Variants in EPS15L1 observed in about 807,000 individuals in gnomAD.
EPS15L1 encodes the protein epidermal growth factor receptor substrate 15-like 1.
EPS15L1 carries 43 observed loss-of-function variants against 117.1 expected under a neutral mutation model. That is an observed-to-expected ratio of 0.37 (90% confidence interval 0.29 to 0.47). EPS15L1 has a LOEUF of 0.47. EPS15L1 is among the 20% of genes least tolerant of loss of function. EPS15L1 has a pLI of 0.99. For missense variants in EPS15L1, 981 were observed against 1,164.0 expected (o/e 0.84, Z 2.29); for synonymous variants, 459 against 470.5 (o/e 0.98, Z 0.32).
At chr19:16,402,190 A>G in intron 16 of EPS15L1, 131 bp downstream of exon 16, 1 of 1,464,028 alleles carries the variant, frequency 6.8e-7, no homozygotes, top group South Asian at 1.5e-5. Flanking sequence ...AGTGGCAGCA[A>G]AAACAACAGA....
At chr19:16,403,086 G>A (rs1312845545) in intron 15 of EPS15L1, among the ~76,000 whole-genome samples, 2 of 152,232 alleles carry the variant, frequency 1.3e-5, no homozygotes, top group African/African-American at 4.8e-5. Context: ...GGTAAAAGAA[G>A]TGTGCCTGGC....
At chr19:16,416,983 C>T (rs1230129233) in intron 12 of EPS15L1, among the ~76,000 whole-genome samples, 1 of 152,224 alleles carries the variant, frequency 6.6e-6, no homozygotes. Context: ...GGCCCCTTCA[C>T]ACCTTCAGCT....
intron 1 of EPS15L1, among the ~76,000 whole-genome samples, chr19:16,451,456 G>A (rs2093141499): frequency 6.6e-6 from 1 of 152,062 alleles, no homozygotes; most frequent in Admixed American, 6.5e-5. Flanking sequence ...AGGCATTGTG[G>A]TTATGTAAAG....
intron 19 of EPS15L1, among the ~76,000 whole-genome samples, chr19:16,390,115 C>T (rs573503453): frequency 1.3e-5 from 2 of 151,948 alleles, no homozygotes; most frequent in East Asian, 3.9e-4. Flanking sequence ...AGCCCCAACA[C>T]TATGCTACTT....
At chr19:16,430,570 G>A (rs978210928) in intron 7 of EPS15L1, among the ~76,000 whole-genome samples, 1 of 152,202 alleles carries the variant, frequency 6.6e-6, no homozygotes, top group Admixed American at 6.5e-5. Context: ...CCCATACTAA[G>A]CCCTCAGTAA....
At chr19:16,411,276 G>A (rs925325402) in intron 13 of EPS15L1, among the ~76,000 whole-genome samples, 1 of 152,230 alleles carries the variant, frequency 6.6e-6, no homozygotes, top group African/African-American at 2.4e-5. Context: ...AAAAAGATGA[G>A]TAGTTGCCAG....
intron 23 of EPS15L1, among the ~76,000 whole-genome samples, chr19:16,359,668 C>G (rs2092025701): frequency 6.6e-6 from 1 of 152,134 alleles, no homozygotes; most frequent in African/African-American, 2.4e-5. Context: ...AAAGACCAGA[C>G]TGGGTAGTAA....
chr19:16,393,891 G>T, intron 18 of EPS15L1, 60 bp downstream of exon 18: 2 of 1,551,952 alleles, frequency 1.3e-6, no homozygotes, highest in Non-Finnish European at 8.9e-7. Flanking sequence ...CACCACATGC[G>T]ACTTCTGAGC....
At chr19:16,457,805 CT>C (rs2093211422) in intron 1 of EPS15L1, among the ~76,000 whole-genome samples, 1 of 152,088 alleles carries the variant, frequency 6.6e-6, no homozygotes, top group South Asian at 2.1e-4. Flanking sequence ...CATCTGTTTC[CT>C]TCCTCTGACC....
chr19:16,396,759 A>G (rs2092544675), intron 16 of EPS15L1, among the ~76,000 whole-genome samples: 1 of 152,240 alleles, frequency 6.6e-6, no homozygotes, highest in Non-Finnish European at 1.5e-5. Context: ...ACACAACAGA[A>G]TCTGATTCAG....
At chr19:16,399,681 GTTTT>G (rs5827337) in intron 16 of EPS15L1, among the ~76,000 whole-genome samples, 1 of 139,504 alleles carries the variant, frequency 7.2e-6, no homozygotes, top group African/African-American at 2.6e-5. Context: ...GCTTTTTGGG[GTTTT>G]TTTTTTTTTT....
chr19:16,458,631 T>C (rs1208282589), intron 1 of EPS15L1, among the ~76,000 whole-genome samples: 1 of 152,004 alleles, frequency 6.6e-6, no homozygotes, highest in Non-Finnish European at 1.5e-5. Context: ...GTCCTGAAAG[T>C]GCTCCCTGGC....
chr19:16,355,816 C>T lies in EPS15L1; in HGVS notation c.2622G>A (p.Lys874=). The T allele has an allele frequency of 6.5e-7, 1 of 1,536,150 alleles. No individual in the cohort carries two copies. The highest frequency in any genetic ancestry group is 8.7e-7 in the Non-Finnish European group (1 of 1,146,856). The change falls in exon 24 of 24, where the codon AAG becomes AAA. Residue 874 remains lysine, a synonymous_variant. Transcript: ENST00000455140. The stretch of plus-strand genomic sequence containing the variant: ...CCTGTTCCGCCTTCTCGCTCTCCCG[C>T]TTGGCCCACGCCAGCTGCTGCTCCT... The part of the protein sequence containing the change: ...GNEEQQLAWA[K]RESEKAEQER...
At chr19:16,355,937 G>C in intron 23 of EPS15L1, 86 bp from the exon 24 acceptor site, 1 of 1,461,800 alleles carries the variant, frequency 6.8e-7, no homozygotes, top group Non-Finnish European at 9.2e-7. Flanking sequence ...CGTGGGAGGG[G>C]TCAGGGTCCT....
intron 21 of EPS15L1, among the ~76,000 whole-genome samples, chr19:16,379,795 C>T (rs574385713): frequency 6.6e-6 from 1 of 152,074 alleles, no homozygotes; most frequent in African/African-American, 2.4e-5. Flanking sequence ...GTCTAAGGCT[C>T]CAGTATCTAG....
At chr19:16,377,329 C>T (rs2092309325) in intron 21 of EPS15L1, 75 bp from the exon 22 acceptor site, 13 of 1,562,234 alleles carry the variant, frequency 8.3e-6, no homozygotes, top group Non-Finnish European at 1.1e-5. Context: ...TGAACAGACG[C>T]TCATGCTCCA....
chr19:16,383,213 T>C lies in EPS15L1; in HGVS notation c.2247+1916A>G, dbSNP rs550890612. 181 of 152,140 alleles carry C rather than the reference T, an allele frequency of 1.2e-3. 1 individual carries two copies. Among genetic ancestry groups the C allele is most frequent in the African/African-American group, 4.0e-3 (167 of 41,510 alleles). 9.4% of individuals were successfully genotyped at this position (152,140 alleles called of 1,614,324 possible). The stretch of plus-strand genomic sequence containing the variant: ...CTCTGTCCTGGCCCGGCACCGCCAA[T>C]AGGAAGTGAGACCGGCTCTGAAATC... On this transcript the variant is annotated intron_variant, in intron 21 of 23. Coordinates refer to ENST00000455140, the MANE Select transcript of EPS15L1 (RefSeq NM_001258374.3). This position sits in a 1 kb window ranked among gnomAD's most constrained non-coding sequence, Gnocchi z 5.2.
In EPS15L1 at chr19:16,371,491, T is replaced by C. The variant is rs746369621; in HGVS notation, c.2380+5631A>G. On this transcript the variant is annotated intron_variant, in intron 22 of 23. Transcript: ENST00000455140. The surrounding 1 kb of genome is among the most constrained non-coding windows in gnomAD (Gnocchi z 4.7). ...ACTGTGGGGAGGGGGCGAAAAGACA[T>C]GCTCATCACCATCACCTATGCGGCT... 2.0e-5 allele frequency among the ~76,000 whole-genome samples: 3 copies of C among 152,166 alleles called. No homozygotes were observed. Among genetic ancestry groups the C allele is most frequent in the Admixed American group, 6.5e-5 (1 of 15,286 alleles).
At chr19:16,392,276 C>G in intron 19 of EPS15L1, 28 bp downstream of exon 19, 1 of 1,613,608 alleles carries the variant, frequency 6.2e-7, no homozygotes, top group South Asian at 1.1e-5. Flanking sequence ...GCACGCAGCT[C>G]TCCCGGGCAA....
Sources: allele counts gnomAD v4.1 joint callset (sites outside exome capture counted in the v4.1 genomes callset), GRCh38; gene constraint gnomAD v4.1.1; non-coding constraint Gnocchi (gnomAD v3.1); transcripts MANE v1.5; gene names NCBI Gene and HGNC (gene_info 2026-07-23, HGNC 2026-07-21).